The following LGI1 variants were observed in gnomAD, a reference collection of about 807,000 sequenced individuals.
The protein encoded by LGI1 is leucine rich glioma inactivated 1, also known as leucine-rich glioma-inactivated protein 1.
Under a neutral mutation model 57.7 loss-of-function variants are expected in LGI1, and 11 were observed. The observed-to-expected ratio is 0.19, with a 90% CI of 0.12 to 0.32. The LOEUF (loss-of-function observed/expected upper bound fraction) is 0.32, where lower values mean the gene tolerates loss of function less well. Ranked by LOEUF, LGI1 falls within the 10% of genes least tolerant of loss-of-function variation. The pLI is 1.00. For synonymous variants in LGI1, 222 were observed against 241.9 expected, an observed-to-expected ratio of 0.92 and a Z score of 0.76; for missense variants, 422 against 661.9, an observed-to-expected ratio of 0.64 and a Z score of 3.98.
intron 2 of LGI1, among the ~76,000 whole-genome samples, chr10:93,766,283 A>T (rs2059677340): frequency 6.6e-6 from 1 of 152,116 alleles, no homozygotes. Flanking sequence ...ATCAAAAGGC[A>T]ATAAATCTTT....
intron 4 of LGI1, chr10:93,788,800 G>A (rs1464879569): frequency 6.6e-6 from 1 of 152,210 alleles, no homozygotes; most frequent in African/African-American, 2.4e-5. Context: ...TTAATTAGTG[G>A]AGGTAGAAGA....
intron 2 of LGI1, chr10:93,768,686 A>G (rs2059704413): frequency 6.6e-6 from 1 of 152,200 alleles, no homozygotes; most frequent in African/African-American, 2.4e-5. Flanking sequence ...TCCATGCTCG[A>G]ATGTTTGCTA....
chr10:93,760,823 C>G (rs2059615529), intron 2 of LGI1, among the ~76,000 whole-genome samples: 1 of 152,164 alleles, frequency 6.6e-6, no homozygotes, highest in African/African-American at 2.4e-5. Flanking sequence ...AACATTCCAG[C>G]CTTTATTTCT....
chr10:93,788,413 T>C (rs1455178657), intron 4 of LGI1: 3 of 151,378 alleles, frequency 2.0e-5, no homozygotes, highest in South Asian at 2.1e-4. Context: ...CTGAGAGTAG[T>C]TCAGACACCT....
At chr10:93,788,795 T>A (rs1589770128) in intron 4 of LGI1, 1 of 152,184 alleles carries the variant, frequency 6.6e-6, no homozygotes, top group African/African-American at 2.4e-5. Flanking sequence ...TATATTTAAT[T>A]AGTGGAGGTA....
At chr10:93,783,103 T>G (rs1027567780) in intron 4 of LGI1, 1 of 152,320 alleles carries the variant, frequency 6.6e-6, no homozygotes, top group Admixed American at 6.5e-5. Context: ...TCTGGCCAGG[T>G]GCGGTGGCTC....
intron 6 of LGI1, 96 bp downstream of exon 6, chr10:93,793,008 C>G: frequency 3.7e-6 from 5 of 1,348,998 alleles, no homozygotes; most frequent in Non-Finnish European, 3.1e-6. Context: ...ATCTTAAAAA[C>G]TAGCTGAGCA....
intron 2 of LGI1, chr10:93,769,290 C>T (rs375123443): frequency 6.6e-6 from 1 of 152,186 alleles, no homozygotes. Flanking sequence ...ATCCTGTGCT[C>T]TTTCATTTAC....
intron 7 of LGI1, among the ~76,000 whole-genome samples, chr10:93,795,957 C>T (rs2059976207): frequency 6.6e-6 from 1 of 152,248 alleles, no homozygotes; most frequent in Non-Finnish European, 1.5e-5. Context: ...CTGCCCCGCA[C>T]TAGCGCTGTA....
At position 93,777,564 on chromosome 10, in the gene LGI1, C is replaced by T. The variant is rs763125787; in HGVS notation, c.378C>T (p.Asn126=). The change falls in exon 4 of 8, where the codon AAC becomes AAT. Residue 126 remains asparagine (N), a synonymous_variant. Transcript: ENST00000371418. ...HLEYLFIENN[N]IKSISRHTFR... The stretch of plus-strand genomic sequence containing the variant: ...ATTGCAGATTCATAGAAAACAACAA[C>T]ATCAAGTCAATTTCAAGACATACTT... 1 of 1,613,560 alleles carries T rather than the reference C, an allele frequency of 6.2e-7. No homozygotes were observed. The highest frequency in any genetic ancestry group is 8.5e-7 in the Non-Finnish European group (1 of 1,179,524).
rs775893967 is a variant in LGI1, at chr10:93,797,369, A to G, written c.1240A>G (p.Asn414Asp). The G allele has an allele frequency of 1.9e-6, 3 of 1,614,212 alleles. No individual in the cohort carries two copies. The highest frequency in any genetic ancestry group is 3.3e-5 in the Admixed American group (2 of 60,030). Residue 414 changes from asparagine to aspartate, a missense_variant, in exon 8 of 8, where the codon AAC becomes GAC. Asn to Asp is a conservative substitution (Grantham distance 23). Transcript: ENST00000371418. The surrounding 1 kb of genome is among the most constrained non-coding windows in gnomAD (Gnocchi z 6.5). ...SSQRPVIYQW[N>D]KATQLFTNQT... ...CCAGCGTCCTGTAATTTATCAGTGG[A>G]ACAAAGCAACACAATTATTCACTAA...
rs1448774552 is a variant in LGI1, at chr10:93,758,921, A to T, written c.287+90A>T. On this transcript the variant is annotated intron_variant, in intron 2 of 7. Coordinates refer to ENST00000371418, the MANE Select transcript of LGI1 (RefSeq NM_005097.4). This position sits in a 1 kb window ranked among gnomAD's most constrained non-coding sequence, Gnocchi z 4.7. Reference sequence around the variant, plus strand: ...AATGATCTCAATATTAATTTTGTCAAATGTGATTCTATTTCTGAGAAAACA... The same window carrying T: ...AATGATCTCAATATTAATTTTGTCATATGTGATTCTATTTCTGAGAAAACA... The T allele has an allele frequency of 1.0e-6, 1 of 1,001,160 alleles. No homozygotes were observed. Among genetic ancestry groups the T allele is most frequent in the African/African-American group, 1.6e-5 (1 of 62,696 alleles). The allele number at this position is 1,001,160 out of a possible 1,614,324, so 62.0% of individuals were successfully genotyped here. A position where few individuals can be genotyped will look rare whatever the true frequency, so the allele number is the denominator to read the frequency against.
Position 93,758,336 on chromosome 10 carries a change from C to T in LGI1, c.192C>T (p.Thr64=). ...LCENARSIPR[T]VPPDVISLSF... is the part of the protein sequence containing the mutation. ...AGAATGCCAGATCCATTCCACGCACCGTTCCTCCTGATGTTATCTCATTGT... is the reference window on the plus strand; with the variant it reads ...AGAATGCCAGATCCATTCCACGCACTGTTCCTCCTGATGTTATCTCATTGT... The change falls in exon 1 of 8, where the codon ACC becomes ACT. Residue 64 remains threonine, a synonymous_variant. Coordinates refer to ENST00000371418, the MANE Select transcript of LGI1 (RefSeq NM_005097.4). This position sits in a 1 kb window ranked among gnomAD's most constrained non-coding sequence, Gnocchi z 4.7. 1 of 1,614,064 alleles carries T rather than the reference C, an allele frequency of 6.2e-7. No individual in the cohort carries two copies. Among genetic ancestry groups the T allele is most frequent in the Non-Finnish European group, 8.5e-7 (1 of 1,179,980 alleles).
rs778063286 is a variant in LGI1, at chr10:93,797,853, C to T, written c.*50C>T. 3.2e-6 allele frequency: 4 copies of T among 1,233,710 alleles called. No homozygotes were observed. The highest frequency in any genetic ancestry group is 3.0e-5 in the African/African-American group (2 of 67,684). The allele number at this position is 1,233,710 out of a possible 1,614,324, so 76.4% of individuals were successfully genotyped here. A position where few individuals can be genotyped will look rare whatever the true frequency, so the allele number is the denominator to read the frequency against. ...CAGAAATTTTCTACAGTACATGACC[C>T]GGATGAACTCAATGCATGATGACTC... On this transcript the variant is annotated 3_prime_UTR_variant, in exon 8 of 8. Transcript: ENST00000371418. The surrounding 1 kb of genome is among the most constrained non-coding windows in gnomAD (Gnocchi z 6.5).
At chr10:93,773,797 A>T (rs2059764596) in intron 2 of LGI1, among the ~76,000 whole-genome samples, 1 of 152,092 alleles carries the variant, frequency 6.6e-6, no homozygotes, top group Admixed American at 6.5e-5. Flanking sequence ...CTTCTTAGGA[A>T]AATGCTTCCC....
chr10:93,786,340 C>G (rs72637506), intron 4 of LGI1, among the ~76,000 whole-genome samples: 6,505 of 46,680 alleles, frequency 0.14, 2,586 homozygotes, highest in East Asian at 0.63. Context: ...CCTCATTGGA[C>G]AGAACCATAG....
rs1436729315 is a variant in LGI1 at position 93,758,548 on chromosome 10, T to TAG, written c.215+191_215+192dup. On this transcript the variant is annotated intron_variant, in intron 1 of 7. Transcript: ENST00000371418. This position sits in a 1 kb window ranked among gnomAD's most constrained non-coding sequence, Gnocchi z 4.7. ...TTTTTTAGCTGCTACTGAACATGCT[T>TAG]AGATACCCCCAGCCCTGAACATTAT... 8.4e-6 allele frequency: 6 copies of TAG among 710,170 alleles called. No individual in the cohort carries two copies. The African/African-American group carries it at 8.8e-5, about 10-fold the overall frequency. The allele number at this position is 710,170 out of a possible 1,614,324, so 44.0% of individuals were successfully genotyped here.
At chr10:93,777,682 G>A in intron 4 of LGI1, 65 bp downstream of exon 4, 1 of 1,263,180 alleles carries the variant, frequency 7.9e-7, no homozygotes, top group Non-Finnish European at 1.1e-6. Context: ...GATCACCTGT[G>A]GTTAATGCAC....
At chr10:93,787,906 CAAA>C (rs61222250) in intron 4 of LGI1, among the ~76,000 whole-genome samples, 115 of 115,616 alleles carry the variant, frequency 9.9e-4, no homozygotes, top group Admixed American at 1.1e-3. Context: ...GACCCTGTCT[CAAA>C]AAAAAAAAAA....
Sources: allele counts gnomAD v4.1 joint callset (sites outside exome capture counted in the v4.1 genomes callset), GRCh38; gene constraint gnomAD v4.1.1; non-coding constraint Gnocchi (gnomAD v3.1); transcripts MANE v1.5; gene names NCBI Gene and HGNC (gene_info 2026-07-23, HGNC 2026-07-21).